Variants in PABPC4L observed in about 807,000 individuals in gnomAD.
PABPC4L encodes polyadenylate-binding protein 4-like.
For missense variants in PABPC4L, 452 were observed against 451.4 expected, an observed-to-expected ratio of 1.00 and a Z score of -0.01; for synonymous variants, 169 against 164.1, an observed-to-expected ratio of 1.03 and a Z score of -0.23.
At chr4:134,128,896 C>A in the PABPC4L span, among the ~76,000 whole-genome samples, 1 of 151,946 alleles carries the variant, frequency 6.6e-6, no homozygotes, top group Admixed American at 6.6e-5. Context: ...TGGATAAGAA[C>A]TCACCAAACC....
At chr4:133,990,661 T>C in the PABPC4L span, among the ~76,000 whole-genome samples, 2 of 152,084 alleles carry the variant, frequency 1.3e-5, no homozygotes, top group Admixed American at 6.6e-5. Flanking sequence ...CCAAAGATGA[T>C]TGCATTTATT....
the PABPC4L span, among the ~76,000 whole-genome samples, chr4:134,002,822 A>G: frequency 6.6e-6 from 1 of 152,012 alleles, no homozygotes; most frequent in Non-Finnish European, 1.5e-5. Context: ...AATTAAAATG[A>G]GTACATGGGT....
At chr4:133,991,109 A>T in the PABPC4L span, among the ~76,000 whole-genome samples, 1 of 152,314 alleles carries the variant, frequency 6.6e-6, no homozygotes, top group African/African-American at 2.4e-5. Context: ...TGGCTTTGCA[A>T]CATAGAATTA....
chr4:134,072,474 G>T, the PABPC4L span, among the ~76,000 whole-genome samples: 1 of 152,060 alleles, frequency 6.6e-6, no homozygotes, highest in Non-Finnish European at 1.5e-5. Flanking sequence ...TTTTAATTTT[G>T]TTTTACTTCT....
At chr4:134,148,549 C>T in the PABPC4L span, among the ~76,000 whole-genome samples, 130 of 152,192 alleles carry the variant, frequency 8.5e-4, 1 homozygote, top group African/African-American at 3.1e-3. Flanking sequence ...CCCAGTGTGA[C>T]AAATTATACT....
the PABPC4L span, among the ~76,000 whole-genome samples, chr4:133,980,862 A>T: frequency 6.6e-6 from 1 of 152,218 alleles, no homozygotes; most frequent in Non-Finnish European, 1.5e-5. Context: ...TCACCTCATT[A>T]AAAACCACCA....
At chr4:134,194,599 C>T (rs780135967), downstream of PABPC4L, among the ~76,000 whole-genome samples, 2 of 151,764 alleles carry the variant, frequency 1.3e-5, no homozygotes, top group South Asian at 2.1e-4. Flanking sequence ...TCCTGGCTAC[C>T]TATACCTATA....
At chr4:134,059,814 A>T in the PABPC4L span, among the ~76,000 whole-genome samples, 25 of 152,234 alleles carry the variant, frequency 1.6e-4, no homozygotes, top group African/African-American at 6.0e-4. Flanking sequence ...GCCTCCAACG[A>T]ATCATCTCCC....
At chr4:134,096,709 C>A in the PABPC4L span, among the ~76,000 whole-genome samples, 4 of 151,828 alleles carry the variant, frequency 2.6e-5, no homozygotes, top group South Asian at 2.1e-4. Context: ...TCTACCTAGC[C>A]TCAGGAAAAC....
chr4:134,089,665 T>C, the PABPC4L span, among the ~76,000 whole-genome samples: 576 of 152,224 alleles, frequency 3.8e-3, 2 homozygotes, highest in African/African-American at 0.013. Context: ...AATGCACTTA[T>C]ACATTTTTTT....
chr4:134,094,390 C>T, the PABPC4L span, among the ~76,000 whole-genome samples: 2 of 151,884 alleles, frequency 1.3e-5, no homozygotes, highest in East Asian at 3.9e-4. Flanking sequence ...TCTATGTCTA[C>T]CTAGGTCTAT....
rs1363992654 is a variant in PABPC4L at position 134,200,596 on chromosome 4, C to G, written c.424G>C (p.Val142Leu). The change falls in exon 2 of 2, where the codon GTG becomes CTG. Residue 142 changes from valine to leucine, a missense_variant. Coordinates refer to ENST00000421491, the MANE Select transcript of PABPC4L (RefSeq NM_001114734.2). ...DDQGSKGYAF[V>L]HFQNQSAADR... is the part of the protein sequence containing the mutation. ...GCAGCACTCTGGTTCTGAAAGTGCA[C>G]AAATGCATAGCCCTTGGAGCCTTGA... The G allele has an allele frequency of 5.8e-6, 9 of 1,551,590 alleles. No homozygotes were observed. Among genetic ancestry groups the G allele is most frequent in the Admixed American group, 2.0e-5 (1 of 50,988 alleles).
the PABPC4L span, among the ~76,000 whole-genome samples, chr4:134,016,409 A>G: frequency 2.0e-5 from 3 of 152,184 alleles, no homozygotes; most frequent in South Asian, 6.2e-4. Flanking sequence ...CTTTACTTCT[A>G]AAGGAAGCTA....
chr4:134,180,786 T>C, the PABPC4L span, among the ~76,000 whole-genome samples: 2 of 151,592 alleles, frequency 1.3e-5, no homozygotes, highest in African/African-American at 4.8e-5. Flanking sequence ...TTAGAGAAAA[T>C]GGATAAATTC....
At chr4:134,001,323 G>T in the PABPC4L span, among the ~76,000 whole-genome samples, 2 of 151,882 alleles carry the variant, frequency 1.3e-5, no homozygotes, top group East Asian at 1.9e-4. Context: ...TGGACCCATG[G>T]TAGCTAGGAA....
the PABPC4L span, among the ~76,000 whole-genome samples, chr4:134,074,901 C>G: frequency 1.3e-5 from 2 of 152,216 alleles, no homozygotes; most frequent in Admixed American, 1.3e-4. Flanking sequence ...CCCTCCCACT[C>G]TACATGGGGA....
the PABPC4L span, among the ~76,000 whole-genome samples, chr4:134,100,488 C>G: frequency 1.3e-5 from 2 of 151,530 alleles, no homozygotes; most frequent in African/African-American, 2.4e-5. Flanking sequence ...GTAACCATAC[C>G]TAGAAGTGTC....
At chr4:134,016,461 A>G in the PABPC4L span, among the ~76,000 whole-genome samples, 3 of 152,206 alleles carry the variant, frequency 2.0e-5, no homozygotes, top group Non-Finnish European at 4.4e-5. Context: ...ATCAGATGCC[A>G]TCGCTCAGGA....
At chr4:134,126,530 A>T in the PABPC4L span, among the ~76,000 whole-genome samples, 16 of 152,288 alleles carry the variant, frequency 1.1e-4, 1 homozygote, top group South Asian at 3.3e-3. Flanking sequence ...ATACTTCGTT[A>T]TCAGAGGCAT....
Sources: gnomAD v4.1 joint callset for allele counts (sites outside exome capture counted in the v4.1 genomes callset) on GRCh38, gnomAD v4.1.1 for gene constraint, MANE v1.5 for transcripts, NCBI Gene and HGNC (gene_info 2026-07-23, HGNC 2026-07-21) for gene names.